MTHFD1L: variants seen among roughly 807,000 people sequenced by gnomAD.
MTHFD1L encodes monofunctional C1-tetrahydrofolate synthase, mitochondrial.
A neutral mutation model predicts 119.5 loss-of-function variants in MTHFD1L; 81 were observed. The ratio of observed to expected loss-of-function variants is 0.68; its 90% CI spans 0.57 to 0.82. The LOEUF (loss-of-function observed/expected upper bound fraction) is 0.82, where lower values mean the gene tolerates loss of function less well. MTHFD1L is among the 40% of genes least tolerant of loss of function. The pLI, the probability that MTHFD1L is intolerant of heterozygous loss-of-function variation, is 0.00. For synonymous variants in MTHFD1L, 430 were observed against 475.2 expected (o/e 0.90, Z 1.24); for missense variants, 1,125 against 1,253.4 (o/e 0.90, Z 1.55).
chr6:150,880,919 C>A (rs1676219423), intron 4 of MTHFD1L, among the ~76,000 whole-genome samples: 1 of 152,130 alleles, frequency 6.6e-6, no homozygotes, highest in South Asian at 2.1e-4. Flanking sequence ...GTCTTTTGCA[C>A]ATTTTTTATT....
intron 22 of MTHFD1L, among the ~76,000 whole-genome samples, chr6:151,014,313 A>G (rs925699178): frequency 1.3e-5 from 2 of 152,224 alleles, no homozygotes; most frequent in Non-Finnish European, 2.9e-5. Flanking sequence ...AAAGATGGAT[A>G]TAGGCTTTGT....
At chr6:150,958,729 A>T (rs1354997294) in intron 17 of MTHFD1L, among the ~76,000 whole-genome samples, 1 of 152,244 alleles carries the variant, frequency 6.6e-6, no homozygotes, top group Non-Finnish European at 1.5e-5. Context: ...GATGAACAAT[A>T]ACGTTTTCAT....
chr6:151,015,206 C>CTTTTTTTTTTTTT (rs58646889), intron 23 of MTHFD1L, among the ~76,000 whole-genome samples: 2 of 76,932 alleles, frequency 2.6e-5, no homozygotes, highest in Admixed American at 1.5e-4. Flanking sequence ...ATCTCCTTGG[C>CTTTTTTTTTTTTT]TTTTTTTTTT....
At chr6:150,982,192 G>A (rs1047662547) in intron 20 of MTHFD1L, among the ~76,000 whole-genome samples, 22 of 151,374 alleles carry the variant, frequency 1.5e-4, no homozygotes, top group African/African-American at 4.1e-4. Flanking sequence ...TTTTTAAAAG[G>A]ATAAATAATT....
intron 20 of MTHFD1L, among the ~76,000 whole-genome samples, chr6:150,989,231 A>C (rs978212049): frequency 1.6e-4 from 25 of 152,234 alleles, no homozygotes; most frequent in African/African-American, 5.3e-4. Flanking sequence ...TTAGGAATGA[A>C]AGGGTATCTA....
Position 150,916,405 on chromosome 6 carries a change from G to A in MTHFD1L, c.893-2172G>A, listed in dbSNP as rs192168283. On this transcript the variant is annotated intron_variant, in intron 8 of 27. Coordinates refer to ENST00000367321, the MANE Select transcript of MTHFD1L (RefSeq NM_015440.5). ...CAATCTCCGCCTCCCAGGTTCAAGC[G>A]ATTCTCTGCTTCAGCCTCCCTAGTA... Among the ~76,000 whole-genome samples, 233 of 136,682 alleles carry A rather than the reference G, an allele frequency of 1.7e-3. 1 individual carries two copies. The highest frequency in any genetic ancestry group is 5.9e-3 in the African/African-American group (217 of 36,710). 89.7% of individuals were successfully genotyped at this position (136,682 alleles called of 152,430 possible).
At chr6:151,014,828 TG>T (rs2057203996) in intron 22 of MTHFD1L, 51 bp from the exon 23 acceptor site, 1 of 1,440,816 alleles carries the variant, frequency 6.9e-7, no homozygotes, top group African/African-American at 1.4e-5. Flanking sequence ...TTGGCAGGTT[TG>T]GTGGGAGACA....
At chr6:150,886,475 C>T (rs1009287161) in intron 6 of MTHFD1L, among the ~76,000 whole-genome samples, 3 of 150,208 alleles carry the variant, frequency 2.0e-5, no homozygotes, top group South Asian at 2.1e-4. Flanking sequence ...AAGAAGAAGC[C>T]GGTAGATGTA....
At chr6:150,949,516 C>T (rs1381287717) in intron 16 of MTHFD1L, among the ~76,000 whole-genome samples, 2 of 152,158 alleles carry the variant, frequency 1.3e-5, no homozygotes, top group African/African-American at 2.4e-5. Flanking sequence ...CACCATCCCA[C>T]CTTCTTCTGT....
At chr6:151,071,203 G>T (rs555407007) in intron 26 of MTHFD1L, among the ~76,000 whole-genome samples, 2 of 148,154 alleles carry the variant, frequency 1.3e-5, no homozygotes, top group Admixed American at 1.4e-4. Context: ...TGATACAATG[G>T]TTGTGTTGGG....
intron 20 of MTHFD1L, among the ~76,000 whole-genome samples, chr6:151,007,311 C>G (rs1231686713): frequency 6.6e-6 from 1 of 151,902 alleles, no homozygotes; most frequent in Admixed American, 6.6e-5. Flanking sequence ...TCTCCCACTT[C>G]CCTGCAGGGC....
At chr6:150,897,864 G>A (rs932394171) in intron 7 of MTHFD1L, among the ~76,000 whole-genome samples, 2 of 152,166 alleles carry the variant, frequency 1.3e-5, no homozygotes, top group Non-Finnish European at 2.9e-5. Flanking sequence ...ATTTTTTTGA[G>A]ACAGAGTTTT....
In MTHFD1L at chr6:150,949,064, C is replaced by G; in HGVS notation, c.1657C>G (p.Leu553Val). 1 of 1,614,066 alleles carries G rather than the reference C, an allele frequency of 6.2e-7. No individual in the cohort carries two copies. Among genetic ancestry groups the G allele is most frequent in the South Asian group, 1.1e-5 (1 of 91,072 alleles). The change falls in exon 16 of 28, where the codon CTG (leucine) becomes GTG (valine). Residue 553 changes from leucine to valine, a missense_variant. Leu to Val is a conservative substitution (Grantham distance 32, BLOSUM62 1). Coordinates refer to ENST00000367321, the MANE Select transcript of MTHFD1L (RefSeq NM_015440.5). ...LGINKTDPST[L>V]TEEEVSKFAR... ...AATAAATAAGACTGATCCGAGCACA[C>G]TGACAGAAGAGGAAGTGAGTAAATT...
At chr6:150,967,607 C>A (rs569776504) in intron 19 of MTHFD1L, among the ~76,000 whole-genome samples, 12 of 152,306 alleles carry the variant, frequency 7.9e-5, no homozygotes, top group Admixed American at 3.3e-4. Context: ...TTCCCTGAAA[C>A]CTTCCCAGTC....
chr6:151,043,739 G>A (rs7754799), intron 26 of MTHFD1L, among the ~76,000 whole-genome samples: 131,204 of 152,194 alleles, frequency 0.86, 56,699 homozygotes, highest in East Asian at 0.93. Flanking sequence ...ACATAGAGGC[G>A]TGTCTTGACA....
At chr6:150,873,188 A>C (rs1261042333) in intron 1 of MTHFD1L, among the ~76,000 whole-genome samples, 1 of 151,984 alleles carries the variant, frequency 6.6e-6, no homozygotes, top group South Asian at 2.1e-4. Context: ...GGTGGCATGC[A>C]CCAGTAGTCC....
intron 19 of MTHFD1L, among the ~76,000 whole-genome samples, chr6:150,968,386 A>C (rs1178761762): frequency 6.6e-6 from 1 of 152,264 alleles, no homozygotes; most frequent in Non-Finnish European, 1.5e-5. Flanking sequence ...TTTATTAATA[A>C]ATAACTGAAT....
chr6:151,049,877 G>C (rs1788749328), intron 26 of MTHFD1L, among the ~76,000 whole-genome samples: 1 of 152,236 alleles, frequency 6.6e-6, no homozygotes, highest in Middle Eastern at 3.4e-3. Context: ...GCAGGCCTCT[G>C]ACCTTCCCTG....
chr6:150,907,025 A>AT (rs1488396627), intron 8 of MTHFD1L, among the ~76,000 whole-genome samples: 1 of 151,902 alleles, frequency 6.6e-6, no homozygotes, highest in Non-Finnish European at 1.5e-5. Flanking sequence ...AAAAAAAAAA[A>AT]CAAAGCCTAA....
Sources: allele counts gnomAD v4.1 joint callset (sites outside exome capture counted in the v4.1 genomes callset), GRCh38; gene constraint gnomAD v4.1.1; transcripts MANE v1.5; gene names NCBI Gene and HGNC (gene_info 2026-07-23, HGNC 2026-07-21).